COL4A4: variants seen among roughly 807,000 people sequenced by gnomAD.
COL4A4 encodes the protein collagen alpha-4(IV) chain.
A neutral mutation model predicts 192.9 loss-of-function variants in COL4A4; 105 were observed. The observed-to-expected ratio is 0.54, with a 90% CI of 0.46 to 0.64. The LOEUF (loss-of-function observed/expected upper bound fraction) is 0.64. COL4A4 is among the 30% of genes least tolerant of loss of function. COL4A4 has a pLI of 0.00. For missense variants in COL4A4, 1,967 were observed against 2,169.3 expected, an observed-to-expected ratio of 0.91 and a Z score of 1.85; for synonymous variants, 762 against 769.9, an observed-to-expected ratio of 0.99 and a Z score of 0.17.
At chr2:227,159,693 C>A (rs1576958550) in intron 1 of COL4A4, among the ~76,000 whole-genome samples, 1 of 152,260 alleles carries the variant, frequency 6.6e-6, no homozygotes, top group African/African-American at 2.4e-5. Flanking sequence ...CAAGGGGCTT[C>A]CCCCTTCGCT....
At chr2:227,144,852 G>A (rs1172040746) in intron 2 of COL4A4, among the ~76,000 whole-genome samples, 1 of 152,112 alleles carries the variant, frequency 6.6e-6, no homozygotes, top group African/African-American at 2.4e-5. Flanking sequence ...ACAGATGAGT[G>A]AAAGAAGATG....
intron 32 of COL4A4, among the ~76,000 whole-genome samples, chr2:227,051,586 G>T (rs1448567187): frequency 1.3e-5 from 2 of 151,064 alleles, no homozygotes; most frequent in Non-Finnish European, 3.0e-5. Flanking sequence ...CATGGGCATT[G>T]GGGTGTCTGT....
chr2:227,163,786 C>G (rs1038564952), intron 1 of COL4A4, among the ~76,000 whole-genome samples: 2 of 152,174 alleles, frequency 1.3e-5, no homozygotes, highest in Non-Finnish European at 2.9e-5. Context: ...ACTGCCAGGC[C>G]GGTAACTCGA....
Position 227,022,113 on chromosome 2 carries a change from G to C in COL4A4, c.4151C>G (p.Ala1384Gly). ...DCPRIPGLPGAPGMRGPEGAM... is the reference protein window; with the variant it reads ...DCPRIPGLPGGPGMRGPEGAM... ...TCCTTCTGGTCCTCTCATGCCTGGCGCCCCAGGAAGGCCTGGGATTCGGGG... is the reference window on the plus strand; with the variant it reads ...TCCTTCTGGTCCTCTCATGCCTGGCCCCCCAGGAAGGCCTGGGATTCGGGG... Residue 1384 changes from alanine to glycine, a missense_variant, in exon 44 of 48, where the codon GCG (alanine) becomes GGG (glycine). Transcript: ENST00000396625. 1 of 1,613,948 alleles carries C rather than the reference G, an allele frequency of 6.2e-7. No individual in the cohort carries two copies. Among genetic ancestry groups the C allele is most frequent in the Non-Finnish European group, 8.5e-7 (1 of 1,179,934 alleles).
At chr2:227,088,208 G>GA (rs1359829265) in intron 22 of COL4A4, among the ~76,000 whole-genome samples, 1 of 152,184 alleles carries the variant, frequency 6.6e-6, no homozygotes, top group East Asian at 1.9e-4. Context: ...CAATAAATTA[G>GA]AAAGAGGCAC....
Position 227,089,931 on chromosome 2 carries a change from C to T in COL4A4, c.1396G>A (p.Gly466Arg), listed in dbSNP as rs201859109. The T allele has an allele frequency of 8.1e-6, 13 of 1,613,412 alleles. No individual in the cohort carries two copies. Among genetic ancestry groups the T allele is most frequent in the Admixed American group, 1.7e-5 (1 of 59,968 alleles). The change falls in exon 21 of 48, where the codon GGA becomes AGA. Residue 466 changes from glycine to arginine, a missense_variant. Coordinates refer to ENST00000396625, the MANE Select transcript of COL4A4 (RefSeq NM_000092.5). ...ACTTTGCCTTTTATTCCTTGTGGTC[C>T]GGGGTTCCCAACACTACAGTATATC... ...SVIYCSVGNP[G>R]PQGIKGKVGP...
At chr2:227,055,908 TAAG>T in intron 30 of COL4A4, 34 bp downstream of exon 30, 1 of 1,586,282 alleles carries the variant, frequency 6.3e-7, no homozygotes, top group Non-Finnish European at 8.6e-7. Context: ...TTCATGTTTC[TAAG>T]ATGGGAGGAC....
intron 25 of COL4A4, among the ~76,000 whole-genome samples, chr2:227,063,431 T>C (rs1364160399): frequency 1.3e-5 from 2 of 152,186 alleles, no homozygotes; most frequent in African/African-American, 2.4e-5. Context: ...TGTTGGGTTC[T>C]AGACCATGAA....
chr2:227,045,969 A>G (rs1186829512), intron 35 of COL4A4, among the ~76,000 whole-genome samples: 2 of 120,718 alleles, frequency 1.7e-5, no homozygotes, highest in Non-Finnish European at 3.3e-5. Context: ...GTATATATTT[A>G]TATGTGTATA....
At chr2:227,117,777 A>G (rs1576637800) in intron 7 of COL4A4, among the ~76,000 whole-genome samples, 1 of 149,834 alleles carries the variant, frequency 6.7e-6, no homozygotes, top group Non-Finnish European at 1.5e-5. Flanking sequence ...TTATGTTTAA[A>G]TGAAAGTCCA....
At chr2:227,065,046 G>A (rs1161295770) in intron 25 of COL4A4, among the ~76,000 whole-genome samples, 2 of 152,214 alleles carry the variant, frequency 1.3e-5, no homozygotes, top group Non-Finnish European at 2.9e-5. Flanking sequence ...TGCACGAGCC[G>A]AAGCAGGGCG....
chr2:227,091,275 T>C (rs1268102189), intron 20 of COL4A4, among the ~76,000 whole-genome samples: 3 of 151,454 alleles, frequency 2.0e-5, no homozygotes, highest in South Asian at 2.1e-4. Flanking sequence ...TAGATATAGA[T>C]ATAGATATAG....
intron 12 of COL4A4, among the ~76,000 whole-genome samples, chr2:227,104,792 C>T (rs1325993344): frequency 1.3e-5 from 2 of 151,310 alleles, no homozygotes; most frequent in African/African-American, 4.8e-5. Flanking sequence ...AGGCATGCGC[C>T]ACCATGCCCG....
rs1442071713 is a variant in COL4A4, at chr2:227,111,830, T to A, written c.559-117A>T. On this transcript the variant is annotated intron_variant, in intron 8 of 47. Coordinates refer to ENST00000396625, the MANE Select transcript of COL4A4 (RefSeq NM_000092.5). ...ACTCATCTAACTGCAGTTTGTTCAA[T>A]TTTTTTGGTGTTGACTAAAATTGAG... 19 of 1,115,314 alleles carry A rather than the reference T, an allele frequency of 1.7e-5. No homozygotes were observed. In the South Asian group the frequency reaches 2.1e-4, roughly 12 times the overall value. 69.1% of individuals were successfully genotyped at this position (1,115,314 alleles called of 1,614,324 possible).
At chr2:227,092,815 TGCAC>T in intron 20 of COL4A4, among the ~76,000 whole-genome samples, 1 of 152,230 alleles carries the variant, frequency 6.6e-6, no homozygotes, top group Non-Finnish European at 1.5e-5. Flanking sequence ...GTAGAAAATG[TGCAC>T]ATGTCGGGTG....
intron 25 of COL4A4, among the ~76,000 whole-genome samples, chr2:227,069,523 A>T (rs892600674): frequency 6.6e-6 from 1 of 151,862 alleles, no homozygotes; most frequent in Non-Finnish European, 1.5e-5. Flanking sequence ...AAACAGAGAT[A>T]TAGATCAATG....
intron 34 of COL4A4, among the ~76,000 whole-genome samples, chr2:227,048,488 A>G (rs1191699431): frequency 1.3e-5 from 2 of 152,242 alleles, no homozygotes; most frequent in African/African-American, 4.8e-5. Context: ...GTACAACCCA[A>G]CATATCCAGA....
intron 12 of COL4A4, among the ~76,000 whole-genome samples, chr2:227,105,121 T>C (rs919233419): frequency 1.3e-5 from 2 of 151,408 alleles, no homozygotes; most frequent in Non-Finnish European, 1.5e-5. Context: ...TTTTAAATAA[T>C]TTTATATTTT....
At chr2:227,063,141 C>A (rs1280655539) in intron 25 of COL4A4, among the ~76,000 whole-genome samples, 1 of 152,100 alleles carries the variant, frequency 6.6e-6, no homozygotes, top group Non-Finnish European at 1.5e-5. Flanking sequence ...TATATTGTCT[C>A]ATTTTTCTAA....
Sources: gnomAD v4.1 joint callset for allele counts (sites outside exome capture counted in the v4.1 genomes callset) on GRCh38, gnomAD v4.1.1 for gene constraint, MANE v1.5 for transcripts, NCBI Gene and HGNC (gene_info 2026-07-23, HGNC 2026-07-21) for gene names.